PROM1: variants seen among roughly 807,000 people sequenced by gnomAD.
PROM1 encodes the protein prominin 1.
A neutral mutation model predicts 116.9 loss-of-function variants in PROM1; 105 were observed. The ratio of observed to expected loss-of-function variants is 0.90; its 90% confidence interval spans 0.77 to 1.06. The LOEUF (loss-of-function observed/expected upper bound fraction) is 1.06, where lower values mean the gene tolerates loss of function less well. PROM1 is among the 50% of genes least tolerant of loss of function. The pLI is 0.00. For synonymous variants in PROM1, 393 were observed against 387.0 expected (o/e 1.02, Z -0.18); for missense variants, 1,122 against 1,045.2 (o/e 1.07, Z -1.01).
At chr4:16,074,575 C>A (rs1743542603) in intron 2 of PROM1, among the ~76,000 whole-genome samples, 1 of 152,174 alleles carries the variant, frequency 6.6e-6, no homozygotes, top group East Asian at 1.9e-4. Flanking sequence ...GTTCAGGATT[C>A]TCTTCAATGC....
chr4:16,011,653 T>C (rs1447147415), intron 11 of PROM1, among the ~76,000 whole-genome samples: 1 of 152,176 alleles, frequency 6.6e-6, no homozygotes, highest in Non-Finnish European at 1.5e-5. Flanking sequence ...CAGAGATTAG[T>C]GAGCAGGTGG....
At chr4:16,074,459 T>C (rs1407371862) in intron 2 of PROM1, among the ~76,000 whole-genome samples, 1 of 152,132 alleles carries the variant, frequency 6.6e-6, no homozygotes, top group Non-Finnish European at 1.5e-5. Context: ...TTCAGAAGAG[T>C]GAATTTGCAT....
chr4:15,985,715 T>A, intron 22 of PROM1, 45 bp downstream of exon 22: 1 of 1,327,464 alleles, frequency 7.5e-7, no homozygotes, highest in East Asian at 2.3e-5. Flanking sequence ...ATGGCTATCC[T>A]GAAACTTGAC....
chr4:16,060,231 G>C (rs918229065), intron 2 of PROM1, among the ~76,000 whole-genome samples: 1 of 152,002 alleles, frequency 6.6e-6, no homozygotes, highest in African/African-American at 2.4e-5. Context: ...CCAAATTAAA[G>C]AGAAACGCAT....
chr4:16,006,789 G>A (rs935094469), intron 12 of PROM1, 99 bp from the exon 13 acceptor site: 28 of 1,254,632 alleles, frequency 2.2e-5, no homozygotes, highest in Middle Eastern at 2.3e-4. Flanking sequence ...GTTATTCTTG[G>A]CTTCTAAAAT....
chr4:16,014,590 T>C (rs1325454017), intron 10 of PROM1, among the ~76,000 whole-genome samples: 1 of 152,140 alleles, frequency 6.6e-6, no homozygotes, highest in Non-Finnish European at 1.5e-5. Context: ...ATATTTTTTG[T>C]GAAAAATCAG....
intron 17 of PROM1, among the ~76,000 whole-genome samples, chr4:15,991,797 G>T (rs531648440): frequency 6.6e-6 from 1 of 151,878 alleles, no homozygotes; most frequent in Non-Finnish European, 1.5e-5. Flanking sequence ...TTAGCTGGGC[G>T]TGGTGGCAGG....
intron 26 of PROM1, among the ~76,000 whole-genome samples, chr4:15,976,972 AGACT>A (rs1716298316): frequency 6.6e-6 from 1 of 152,146 alleles, no homozygotes; most frequent in South Asian, 2.1e-4. Context: ...GGGGGTGCAA[AGACT>A]TAGCTAATCT....
chr4:16,010,053 T>C (rs944026918), intron 11 of PROM1, among the ~76,000 whole-genome samples: 1 of 152,034 alleles, frequency 6.6e-6, no homozygotes, highest in Non-Finnish European at 1.5e-5. Context: ...TTGTTAAAAT[T>C]TTACCTGACT....
chr4:16,035,853 A>G, intron 3 of PROM1, 92 bp from the exon 4 acceptor site: 1 of 1,162,032 alleles, frequency 8.6e-7, no homozygotes, highest in East Asian at 2.3e-5. Flanking sequence ...AACCATAACC[A>G]AGAACATTCA....
At chr4:16,080,138 G>A (rs951286006) in intron 1 of PROM1, 3 of 151,640 alleles carry the variant, frequency 2.0e-5, no homozygotes, top group Non-Finnish European at 4.4e-5. Context: ...CCTGTAGTGA[G>A]CCATAATCAT....
chr4:16,079,166 T>G (rs1425438936), intron 1 of PROM1, among the ~76,000 whole-genome samples: 1 of 152,104 alleles, frequency 6.6e-6, no homozygotes, highest in Non-Finnish European at 1.5e-5. Flanking sequence ...GCTCAGATGC[T>G]GAGAAGGCCC....
At chr4:15,983,253 C>T (rs184845622) in intron 23 of PROM1, among the ~76,000 whole-genome samples, 113 of 152,238 alleles carry the variant, frequency 7.4e-4, no homozygotes, top group African/African-American at 2.5e-3. Flanking sequence ...GACCTGAAGG[C>T]GGAACAACAA....
At chr4:16,023,267 T>C (rs987166206) in intron 8 of PROM1, 59 bp downstream of exon 8, 1 of 1,422,722 alleles carries the variant, frequency 7.0e-7, no homozygotes, top group Non-Finnish European at 9.7e-7. Flanking sequence ...TGAGCAAGCC[T>C]GCCAAGCCCA....
At chr4:16,047,585 A>G (rs1736838062) in intron 2 of PROM1, among the ~76,000 whole-genome samples, 1 of 152,192 alleles carries the variant, frequency 6.6e-6, no homozygotes, top group Non-Finnish European at 1.5e-5. Flanking sequence ...TGTTACAATT[A>G]GTTTCGTTAA....
rs190107632 is a variant in PROM1 at position 16,044,110 on chromosome 4, G to A, written c.221-5109C>T. On this transcript the variant is annotated intron_variant, in intron 2 of 27. Coordinates refer to ENST00000447510, the MANE Select transcript of PROM1 (RefSeq NM_006017.3). ...ATGAGTTTTGTGATGTCTGAGCCAC[G>A]GAAGTAAGCTAAAATAAGAAATGTG... is the stretch of plus-strand genomic sequence containing the variant. Among the ~76,000 whole-genome samples the A allele has an allele frequency of 3.0e-4, 45 of 152,276 alleles. No homozygotes were observed. In the South Asian group the frequency reaches 7.0e-3, roughly 24 times the overall value.
chr4:15,990,676 C>T (rs372781994), intron 18 of PROM1, among the ~76,000 whole-genome samples: 2 of 152,140 alleles, frequency 1.3e-5, no homozygotes, highest in African/African-American at 4.8e-5. Context: ...GGTGGGACTC[C>T]GGACCAGACT....
At position 15,993,203 on chromosome 4, in the gene PROM1, G is replaced by A. The variant is rs375004659; in HGVS notation, c.1767+784C>T. On this transcript the variant is annotated intron_variant, in intron 16 of 27. Transcript: ENST00000447510. Reference sequence around the variant, plus strand: ...CTCATGGTAACTCTAGCAGCAGTGCGCAAGCTGTGGGGGCTTGGGAATAGC... The same window carrying A: ...CTCATGGTAACTCTAGCAGCAGTGCACAAGCTGTGGGGGCTTGGGAATAGC... 6.6e-5 allele frequency among the ~76,000 whole-genome samples: 10 copies of A among 152,338 alleles called. No individual in the cohort carries two copies. The East Asian group carries it at 1.7e-3, about 26-fold the overall frequency.
At chr4:16,025,950 A>T (rs1731164073) in intron 5 of PROM1, among the ~76,000 whole-genome samples, 1 of 152,232 alleles carries the variant, frequency 6.6e-6, no homozygotes, top group Non-Finnish European at 1.5e-5. Context: ...ATCTACAGAA[A>T]GTGCAAAAAC....
Sources: gnomAD v4.1 joint callset for allele counts (sites outside exome capture counted in the v4.1 genomes callset) on GRCh38, gnomAD v4.1.1 for gene constraint, MANE v1.5 for transcripts, NCBI Gene and HGNC (gene_info 2026-07-23, HGNC 2026-07-21) for gene names.